CSMD3: variants seen among roughly 807,000 people sequenced by gnomAD.
CSMD3 encodes the protein CUB and sushi domain-containing protein 3.
In CSMD3, 177 loss-of-function variants were observed where a neutral mutation model predicts 435.2. That is an observed-to-expected ratio of 0.41 (90% CI 0.36 to 0.46). The LOEUF is 0.46. CSMD3 is among the 20% of genes least tolerant of loss of function. CSMD3 has a pLI of 0.34. For synonymous variants in CSMD3, 1,656 were observed against 1,520.5 expected (o/e 1.09, Z -2.07); for missense variants, 4,265 against 4,504.6 (o/e 0.95, Z 1.52).
intron 35 of CSMD3, among the ~76,000 whole-genome samples, chr8:112,395,468 A>T (rs1260708105): frequency 3.3e-5 from 5 of 152,170 alleles, no homozygotes; most frequent in African/African-American, 1.2e-4. Context: ...TTCTTCATGA[A>T]CTTTTTTTCC....
chr8:112,557,474 G>T (rs1247090874), intron 24 of CSMD3, among the ~76,000 whole-genome samples: 1 of 151,980 alleles, frequency 6.6e-6, no homozygotes, highest in East Asian at 1.9e-4. Flanking sequence ...TTAGAAGGTT[G>T]TGTTGGAACT....
At chr8:112,494,494 CCTTTCTTTCTT>C (rs1821063619) in intron 30 of CSMD3, among the ~76,000 whole-genome samples, 1 of 40,174 alleles carries the variant, frequency 2.5e-5, no homozygotes, top group African/African-American at 8.8e-5. Flanking sequence ...TTCTTTCTCT[CCTTTCTTTCTT>C]TCTTTCTTTC....
rs903997104 is a variant in CSMD3, at chr8:112,397,375, G to T, written c.5810-6587C>A. Among the ~76,000 whole-genome samples, 3 of 152,022 alleles carry T rather than the reference G, an allele frequency of 2.0e-5. No homozygotes were observed. In the East Asian group the frequency reaches 5.8e-4, roughly 29 times the overall value. The stretch of plus-strand genomic sequence containing the variant: ...CCACAAGGAAGAATATTTTTAAAAC[G>T]GTATAAGGTAATATGTCTTTTTCAT... On this transcript the variant is annotated intron_variant, in intron 35 of 70. Coordinates refer to ENST00000297405, the MANE Select transcript of CSMD3 (RefSeq NM_198123.2).
intron 1 of CSMD3, among the ~76,000 whole-genome samples, chr8:113,411,708 T>C (rs1227753422): frequency 6.6e-6 from 1 of 152,154 alleles, no homozygotes; most frequent in East Asian, 1.9e-4. Flanking sequence ...GCAAAACCCA[T>C]ATATCCAAAT....
intron 24 of CSMD3, among the ~76,000 whole-genome samples, chr8:112,558,297 G>A (rs1181796706): frequency 6.6e-6 from 1 of 151,734 alleles, no homozygotes; most frequent in Non-Finnish European, 1.5e-5. Context: ...CTTCTCCCTT[G>A]AAAACCCTCA....
intron 13 of CSMD3, among the ~76,000 whole-genome samples, chr8:112,695,576 G>A (rs1041154333): frequency 5.9e-5 from 9 of 152,062 alleles, no homozygotes; most frequent in African/African-American, 1.2e-4. Flanking sequence ...TTGATGGGAC[G>A]TATCTAAAAA....
intron 51 of CSMD3, among the ~76,000 whole-genome samples, chr8:112,305,481 A>C (rs1290104751): frequency 1.5e-4 from 23 of 152,114 alleles, no homozygotes; most frequent in Admixed American, 1.5e-3. Flanking sequence ...TTTTGCTACC[A>C]AATCTTTACC....
chr8:112,853,985 G>A (rs1319284602), intron 11 of CSMD3, among the ~76,000 whole-genome samples: 1 of 152,060 alleles, frequency 6.6e-6, no homozygotes, highest in South Asian at 2.1e-4. Context: ...TGAAATTTGA[G>A]CACCAGGTCT....
At chr8:112,494,505 T>C (rs1586510014) in intron 30 of CSMD3, among the ~76,000 whole-genome samples, 1 of 56,318 alleles carries the variant, frequency 1.8e-5, no homozygotes, top group East Asian at 3.3e-4. Flanking sequence ...CTTTCTTTCT[T>C]TCTTTCTTTC....
At chr8:112,850,603 T>C (rs1004649202) in intron 11 of CSMD3, among the ~76,000 whole-genome samples, 17 of 152,238 alleles carry the variant, frequency 1.1e-4, no homozygotes, top group African/African-American at 3.6e-4. Flanking sequence ...GACTTCATTA[T>C]TGAAACAGAT....
chr8:112,346,295 G>A (rs1461693103), intron 40 of CSMD3, 82 bp from the exon 41 acceptor site: 3 of 888,382 alleles, frequency 3.4e-6, no homozygotes, highest in African/African-American at 1.6e-5. Context: ...ATCATTTCAC[G>A]TTTTCAAGGC....
At chr8:112,342,871 C>CT (rs946533259) in intron 41 of CSMD3, among the ~76,000 whole-genome samples, 6 of 150,782 alleles carry the variant, frequency 4.0e-5, no homozygotes, top group African/African-American at 1.5e-4. Context: ...AAGATATGCA[C>CT]TTTTTGTTTT....
At chr8:112,325,765 G>T (rs1823446555) in intron 45 of CSMD3, among the ~76,000 whole-genome samples, 1 of 151,944 alleles carries the variant, frequency 6.6e-6, no homozygotes, top group Non-Finnish European at 1.5e-5. Context: ...GGCTCTTTGG[G>T]TTCGAATCTT....
intron 10 of CSMD3, among the ~76,000 whole-genome samples, chr8:112,919,891 G>A (rs911001652): frequency 5.3e-5 from 8 of 151,696 alleles, no homozygotes; most frequent in African/African-American, 9.7e-5. Flanking sequence ...TGCCTTTCTC[G>A]TATCATAGGA....
chr8:112,905,228 G>A (rs1396839785), intron 10 of CSMD3, among the ~76,000 whole-genome samples: 4 of 150,328 alleles, frequency 2.7e-5, no homozygotes, highest in African/African-American at 7.3e-5. Context: ...TAACATAGTC[G>A]GCCTTATGTT....
chr8:113,057,704 T>C (rs1180610652), intron 5 of CSMD3, among the ~76,000 whole-genome samples: 1 of 151,908 alleles, frequency 6.6e-6, no homozygotes, highest in Non-Finnish European at 1.5e-5. Context: ...GAACCAACAC[T>C]CCCATATTCT....
At chr8:112,482,431 C>T (rs1054175291) in intron 31 of CSMD3, among the ~76,000 whole-genome samples, 1 of 152,108 alleles carries the variant, frequency 6.6e-6, no homozygotes, top group Non-Finnish European at 1.5e-5. Flanking sequence ...CAATTGAATG[C>T]TTTTTAGCAT....
chr8:112,597,409 T>G (rs1586767260), intron 22 of CSMD3, among the ~76,000 whole-genome samples: 2 of 142,406 alleles, frequency 1.4e-5, no homozygotes, highest in African/African-American at 5.3e-5. Context: ...CAGGACCAGA[T>G]GGATTCACAG....
chr8:112,893,738 T>A (rs888699490), intron 10 of CSMD3, among the ~76,000 whole-genome samples: 9 of 151,496 alleles, frequency 5.9e-5, no homozygotes, highest in African/African-American at 2.2e-4. Flanking sequence ...GATTTTAAAT[T>A]TTGTGTTCTT....
Sources: gnomAD v4.1 joint callset for allele counts (sites outside exome capture counted in the v4.1 genomes callset) on GRCh38, gnomAD v4.1.1 for gene constraint, MANE v1.5 for transcripts, NCBI Gene and HGNC (gene_info 2026-07-23, HGNC 2026-07-21) for gene names.